ASB14: variants seen among roughly 807,000 people sequenced by gnomAD.
ASB14 encodes ankyrin repeat and SOCS box protein 14.
A neutral mutation model predicts 55.6 loss-of-function variants in ASB14; 63 were observed. The ratio of observed to expected loss-of-function variants is 1.13; its 90% CI spans 0.92 to 1.40. ASB14 has a LOEUF of 1.40. ASB14 is among the 40% of genes most tolerant of loss of function. The pLI is 0.00. For synonymous variants in ASB14, 256 were observed against 259.9 expected, an observed-to-expected ratio of 0.98 and a Z score of 0.15; for missense variants, 724 against 710.4, an observed-to-expected ratio of 1.02 and a Z score of -0.22.
intron 9 of ASB14, among the ~76,000 whole-genome samples, chr3:57,277,369 C>G (rs1392068666): frequency 6.6e-6 from 1 of 151,934 alleles, no homozygotes; most frequent in Non-Finnish European, 1.5e-5. Flanking sequence ...ATTAATTTGT[C>G]TTACGTGCTA....
In ASB14 at chr3:57,278,725, A is replaced by G; in HGVS notation, c.1083T>C (p.Tyr361=). 1 of 1,613,990 alleles carries G rather than the reference A, an allele frequency of 6.2e-7. No individual in the cohort carries two copies. The highest frequency in any genetic ancestry group is 8.5e-7 in the Non-Finnish European group (1 of 1,179,982). The change falls in exon 8 of 11, where the codon TAT becomes TAC. Residue 361 remains tyrosine, a synonymous_variant. Coordinates refer to ENST00000487349, the MANE Select transcript of ASB14 (RefSeq NM_001142733.3). The part of the protein sequence containing the change: ...HYDDHRKSAL[Y]FAVSNSDLSS... ...AGAGGTCACTGTTTGATACAGCAAAATACAAAGCTGACTTCCTGTGGTCAT... is the reference window on the plus strand; with the variant it reads ...AGAGGTCACTGTTTGATACAGCAAAGTACAAAGCTGACTTCCTGTGGTCAT...
intron 10 of ASB14, among the ~76,000 whole-genome samples, chr3:57,274,124 A>G (rs1316638491): frequency 6.6e-6 from 1 of 152,230 alleles, no homozygotes; most frequent in African/African-American, 2.4e-5. Context: ...GTCTGTGCTT[A>G]CTGAAATAGT....
chr3:57,283,028 T>C, intron 6 of ASB14, 166 bp downstream of exon 6: 2 of 1,015,460 alleles, frequency 2.0e-6, no homozygotes, highest in Non-Finnish European at 2.8e-6. Flanking sequence ...AAAAATTCAG[T>C]CTTTATGTTA....
At chr3:57,290,817 TATAAC>T (rs1432719677) in intron 2 of ASB14, among the ~76,000 whole-genome samples, 1 of 152,226 alleles carries the variant, frequency 6.6e-6, no homozygotes, top group Non-Finnish European at 1.5e-5. Flanking sequence ...ATAAGGTTAA[TATAAC>T]AGATAATCTA....
At chr3:57,288,123 A>G (rs1483911938) in intron 4 of ASB14, 32 bp downstream of exon 4, 6 of 1,535,840 alleles carry the variant, frequency 3.9e-6, no homozygotes, top group Non-Finnish European at 5.2e-6. Context: ...TTTATCTCTC[A>G]GAAGCATCAA....
intron 5 of ASB14, 24 bp downstream of exon 5, chr3:57,287,877 T>G (rs1306801197): frequency 1.3e-6 from 2 of 1,535,328 alleles, no homozygotes; most frequent in Non-Finnish European, 1.7e-6. Flanking sequence ...CACAGACTCT[T>G]TCAGAAACAA....
intron 10 of ASB14, chr3:57,272,927 G>A (rs2107617360): frequency 6.6e-6 from 1 of 152,484 alleles, no homozygotes; most frequent in African/African-American, 2.4e-5. Context: ...TGTTGGTTCT[G>A]AAACAGCCTC....
At chr3:57,271,383 T>C (rs996614878) in intron 10 of ASB14, 2 of 152,652 alleles carry the variant, frequency 1.3e-5, no homozygotes, top group African/African-American at 4.8e-5. Flanking sequence ...GAAATACTTT[T>C]GATAAAAAGT....
chr3:57,289,687 C>CTTTTT lies in ASB14; in HGVS notation c.123-569_123-565dup, dbSNP rs34419265. Reference sequence around the variant, plus strand: ...CAAATAAGGATTGTCACCTTCCATTCTTTTTTTTTTTTTTTTTTTTTTTGA... The same window carrying CTTTTT: ...CAAATAAGGATTGTCACCTTCCATTCTTTTTTTTTTTTTTTTTTTTTTTTTTTTGA... On this transcript the variant is annotated intron_variant, in intron 2 of 10. Transcript: ENST00000487349. Among the ~76,000 whole-genome samples the CTTTTT allele has an allele frequency of 5.3e-3, 529 of 100,278 alleles. 8 individuals are homozygous for CTTTTT. The highest frequency in any genetic ancestry group is 0.021 in the East Asian group (56 of 2,634). 65.8% of individuals were successfully genotyped at this position (100,278 alleles called of 152,430 possible). A position where few individuals can be genotyped will look rare whatever the true frequency, so the allele number is the denominator to read the frequency against.
intron 5 of ASB14, among the ~76,000 whole-genome samples, chr3:57,287,345 C>G (rs577334333): frequency 6.6e-6 from 1 of 152,144 alleles, no homozygotes; most frequent in Non-Finnish European, 1.5e-5. Flanking sequence ...GAACCCCCGG[C>G]AGCCTGGAGG....
rs1358197191 is a variant in ASB14, at chr3:57,283,203, G to T, written c.706C>A (p.Leu236Met). Residue 236 changes from leucine (L) to methionine (M), a missense_variant, in exon 6 of 11, where the codon CTG becomes ATG. By Grantham distance (15) the Leu-to-Met change is conservative. Transcript: ENST00000487349. ...AAACAGAAGATCTTGCCTTTCCGCAGTAACATTTCCATGATTTCAGTGTGT... is the reference window on the plus strand; with the variant it reads ...AAACAGAAGATCTTGCCTTTCCGCATTAACATTTCCATGATTTCAGTGTGT... The part of the protein sequence containing the change: ...SGHTEIMEML[L>M]RKGANAHGQA... 5 of 1,552,220 alleles carry T rather than the reference G, an allele frequency of 3.2e-6. No individual in the cohort carries two copies. In the South Asian group the frequency reaches 5.9e-5, roughly 18 times the overall value.
Position 57,277,747 on chromosome 3 carries a change from T to C in ASB14, c.1585+20A>G, listed in dbSNP as rs1246730271. 6.3e-7 allele frequency: 1 copy of C among 1,582,992 alleles called. No homozygotes were observed. The highest frequency in any genetic ancestry group is 8.6e-7 in the Non-Finnish European group (1 of 1,165,382). ...AATTAGTACTTTTGTAAAAAGTCAT[T>C]CTATGAGAAGGATACTTACTTAAGA... On this transcript the variant is annotated intron_variant, in intron 9 of 10. Coordinates refer to ENST00000487349, the MANE Select transcript of ASB14 (RefSeq NM_001142733.3).
At position 57,288,396 on chromosome 3, in the gene ASB14, T is replaced by C. The variant is rs982475808; in HGVS notation, c.179-110A>G. The C allele has an allele frequency of 6.9e-6, 8 of 1,162,556 alleles. No individual in the cohort carries two copies. The East Asian group carries it at 2.1e-4, about 30-fold the overall frequency. 72.0% of individuals were successfully genotyped at this position (1,162,556 alleles called of 1,614,324 possible). A position where few individuals can be genotyped will look rare whatever the true frequency, so the allele number is the denominator to read the frequency against. On this transcript the variant is annotated intron_variant, in intron 3 of 10. Transcript: ENST00000487349. ...GTTAATGCATAAGACAACAGAATTC[T>C]AGCACCACCTTTTATGAAAGACAAA...
At position 57,269,378 on chromosome 3, in the gene ASB14, GTGT is replaced by G. The variant is rs2060919005; in HGVS notation, c.*260_*262del. On this transcript the variant is annotated 3_prime_UTR_variant, in exon 11 of 11. Coordinates refer to ENST00000487349, the MANE Select transcript of ASB14 (RefSeq NM_001142733.3). ...TAGGATGGTGCCAAAATTCATTTTG[GTGT>G]TGTATTGTTTGGGTGTAGCTTTTCT... 1 of 581,252 alleles carries G rather than the reference GTGT, an allele frequency of 1.7e-6. No individual in the cohort carries two copies. Among genetic ancestry groups the G allele is most frequent in the Non-Finnish European group, 2.8e-6 (1 of 354,374 alleles). The allele number at this position is 581,252 out of a possible 1,614,324, so 36.0% of individuals were successfully genotyped here.
chr3:57,276,668 A>G lies in ASB14; in HGVS notation c.1646T>C (p.Leu549Ser), dbSNP rs898039892. The G allele has an allele frequency of 2.5e-6, 4 of 1,613,518 alleles. No homozygotes were observed. The highest frequency in any genetic ancestry group is 8.5e-7 in the Non-Finnish European group (1 of 1,179,410). Reference protein sequence around the residue: ...RLKIRKCMGRLHLRCPVFMSF... With the variant: ...RLKIRKCMGRSHLRCPVFMSF... ...CATGAAGACAGGGCAGCGCAAATGTAACCGTCCCATGCATTTCCGGATCTT... is the reference window on the plus strand; with the variant it reads ...CATGAAGACAGGGCAGCGCAAATGTGACCGTCCCATGCATTTCCGGATCTT... Residue 549 changes from leucine to serine, a missense_variant, in exon 10 of 11, where the codon TTA becomes TCA. Leu to Ser is a moderately radical substitution (Grantham distance 145). Transcript: ENST00000487349.
In ASB14 at chr3:57,278,922, TGAGA is replaced by T; in HGVS notation, c.888-6_888-3del. On this transcript the variant is annotated splice_region_variant and splice_polypyrimidine_tract_variant and intron_variant, in intron 7 of 10. Transcript: ENST00000487349. ...ACTGGAATCAGTATCTTTAGAGCTC[TGAGA>T]AAGAATTTCAAAATGCATTTCAACA... 6.2e-7 allele frequency: 1 copy of T among 1,605,478 alleles called. No individual in the cohort carries two copies. Among genetic ancestry groups the T allele is most frequent in the South Asian group, 1.1e-5 (1 of 90,684 alleles).
At chr3:57,291,543 G>A (rs1025214488) in intron 2 of ASB14, among the ~76,000 whole-genome samples, 3 of 152,078 alleles carry the variant, frequency 2.0e-5, no homozygotes, top group Non-Finnish European at 2.9e-5. Flanking sequence ...ACCCTACTAA[G>A]GTTGAAGATA....
chr3:57,270,626 A>G (rs933513326), intron 10 of ASB14: 2 of 152,632 alleles, frequency 1.3e-5, no homozygotes, highest in African/African-American at 4.8e-5. Flanking sequence ...AAAAATTCCC[A>G]GAGTTTAGTT....
Position 57,292,073 on chromosome 3 carries a change from TA to T in ASB14, c.-41del, listed in dbSNP as rs1214068105. 6.6e-7 allele frequency: 1 copy of T among 1,519,150 alleles called. No homozygotes were observed. Among genetic ancestry groups the T allele is most frequent in the East Asian group, 2.5e-5 (1 of 40,560 alleles). 94.1% of individuals were successfully genotyped at this position (1,519,150 alleles called of 1,614,324 possible). ...GGTTTACTTTAAAGTCAGAGTGAATTAAAAGTATTTTTCCAGTTGTGAAGAG... is the reference window on the plus strand; with the variant it reads ...GGTTTACTTTAAAGTCAGAGTGAATTAAAGTATTTTTCCAGTTGTGAAGAG... On this transcript the variant is annotated 5_prime_UTR_variant, in exon 2 of 11. Coordinates refer to ENST00000487349, the MANE Select transcript of ASB14 (RefSeq NM_001142733.3).
Sources: allele counts gnomAD v4.1 joint callset (sites outside exome capture counted in the v4.1 genomes callset), GRCh38; gene constraint gnomAD v4.1.1; transcripts MANE v1.5; gene names NCBI Gene and HGNC (gene_info 2026-07-23, HGNC 2026-07-21).